Variants in NUP133 observed in about 807,000 individuals in gnomAD.
NUP133 encodes the protein nucleoporin 133.
NUP133 carries 66 observed loss-of-function variants against 146.2 expected under a neutral mutation model. The observed-to-expected ratio is 0.45, with a 90% CI of 0.37 to 0.55. NUP133 has a LOEUF of 0.55. Among genes scored for constraint, NUP133 ranks in the 20% least tolerant of loss-of-function variants. The probability of loss-of-function intolerance (pLI) is 0.00; values close to 1 mark genes in which losing one functional copy is unlikely to be tolerated. For missense variants in NUP133, 1,277 were observed against 1,374.8 expected (o/e 0.93, Z 1.12); for synonymous variants, 521 against 498.8 (o/e 1.04, Z -0.59).
At chr1:229,501,821 C>T (rs1019585071) in intron 3 of NUP133, among the ~76,000 whole-genome samples, 178 bp downstream of exon 3, 1 of 152,024 alleles carries the variant, frequency 6.6e-6, no homozygotes, top group Admixed American at 6.6e-5. Flanking sequence ...ACTTTTTTCC[C>T]AATACACAAA....
intron 11 of NUP133, among the ~76,000 whole-genome samples, chr1:229,485,648 T>C (rs1279858333): frequency 6.6e-6 from 1 of 152,156 alleles, no homozygotes; most frequent in African/African-American, 2.4e-5. Context: ...TCATTTTCTG[T>C]AGTAGAAAAT....
At position 229,458,231 on chromosome 1, in the gene NUP133, A is replaced by G; in HGVS notation, c.2910T>C (p.Leu970=). ...ATGCAGCCAATTTACTCAAGCCAAGAAGGGTTTTCTTCTTTGCAAAGTAAC... is the reference window on the plus strand; with the variant it reads ...ATGCAGCCAATTTACTCAAGCCAAGGAGGGTTTTCTTCTTTGCAAAGTAAC... ...ETRYFAKKKT[L]LGLSKLAALA... is the part of the protein sequence containing the mutation. Residue 970 remains leucine (L), a synonymous_variant, in exon 21 of 26, where the codon CTT becomes CTC. Coordinates refer to ENST00000261396, the MANE Select transcript of NUP133 (RefSeq NM_018230.3). 6.2e-7 allele frequency: 1 copy of G among 1,613,762 alleles called. No homozygotes were observed. The highest frequency in any genetic ancestry group is 8.5e-7 in the Non-Finnish European group (1 of 1,179,762).
intron 2 of NUP133, among the ~76,000 whole-genome samples, chr1:229,502,474 G>A (rs569980729): frequency 5.3e-4 from 76 of 142,434 alleles, no homozygotes; most frequent in African/African-American, 1.7e-3. Context: ...CAAGAGAATC[G>A]CTTGAACCTG....
At chr1:229,506,308 T>A in intron 1 of NUP133, 150 bp from the exon 2 acceptor site, 1 of 494,280 alleles carries the variant, frequency 2.0e-6, no homozygotes, top group East Asian at 3.2e-5. Context: ...ATATTTTTCA[T>A]GTAAAAAAAA....
intron 12 of NUP133, among the ~76,000 whole-genome samples, chr1:229,483,520 C>T (rs1256890640): frequency 1.3e-5 from 2 of 151,928 alleles, no homozygotes; most frequent in African/African-American, 2.4e-5. Flanking sequence ...GCCTGGCCAA[C>T]ATGGTGAAAC....
chr1:229,480,024 G>A (rs1218016812), intron 12 of NUP133, among the ~76,000 whole-genome samples: 1 of 152,226 alleles, frequency 6.6e-6, no homozygotes, highest in African/African-American at 2.4e-5. Context: ...AGAACTGAAA[G>A]GATGTAGTCT....
chr1:229,500,968 G>C, intron 3 of NUP133, 105 bp from the exon 4 acceptor site: 4 of 635,644 alleles, frequency 6.3e-6, no homozygotes, highest in Admixed American at 2.7e-5. Context: ...CTCACTGCTG[G>C]AAACACCATT....
chr1:229,502,059 A>G lies in NUP133; in HGVS notation c.345T>C (p.Ala115=). The change falls in exon 3 of 26, where the codon GCT becomes GCC. Residue 115 remains alanine, a synonymous_variant. Transcript: ENST00000261396. ...LTINIDEGGW[A]CLVCKEKLII... ...TGAGCTTCTCTTTGCACACCAGACAAGCCCATCCACCTTCATCTATGTTAA... is the reference window on the plus strand; with the variant it reads ...TGAGCTTCTCTTTGCACACCAGACAGGCCCATCCACCTTCATCTATGTTAA... 6.2e-7 allele frequency: 1 copy of G among 1,614,056 alleles called. No individual in the cohort carries two copies. The highest frequency in any genetic ancestry group is 8.5e-7 in the Non-Finnish European group (1 of 1,179,976).
At chr1:229,498,777 A>G (rs989198929) in intron 5 of NUP133, among the ~76,000 whole-genome samples, 1 of 150,900 alleles carries the variant, frequency 6.6e-6, no homozygotes, top group Non-Finnish European at 1.5e-5. Flanking sequence ...AAAAAAAAAA[A>G]CAACTTTTGT....
rs1661111179 is a variant in NUP133, at chr1:229,477,707, G to C, written c.1646C>G (p.Ser549Cys). 2 of 1,613,946 alleles carry C rather than the reference G, an allele frequency of 1.2e-6. No homozygotes were observed. Among genetic ancestry groups the C allele is most frequent in the Admixed American group, 1.7e-5 (1 of 59,992 alleles). The change falls in exon 13 of 26, where the codon TCT becomes TGT. Residue 549 changes from serine to cysteine, a missense_variant. Ser to Cys is a moderately radical substitution (Grantham distance 112). Around this residue, in one of 3 missense-constraint regions of NUP133, gnomAD observed 952 missense variants for 1,047.0 expected, o/e 0.91. Coordinates refer to ENST00000261396, the MANE Select transcript of NUP133 (RefSeq NM_018230.3). Reference sequence around the variant, plus strand: ...TAGTTCAGAATCAGAATCCAAATCAGAGTGAGAGGAAAAGAGCTCATCAAC... The same window carrying C: ...TAGTTCAGAATCAGAATCCAAATCACAGTGAGAGGAAAAGAGCTCATCAAC... ...MVVDELFSSHSDLDSDSELDR... is the reference protein window; with the variant it reads ...MVVDELFSSHCDLDSDSELDR...
At chr1:229,451,650 G>GT (rs1660452815) in intron 22 of NUP133, among the ~76,000 whole-genome samples, 1 of 151,856 alleles carries the variant, frequency 6.6e-6, no homozygotes, top group Admixed American at 6.6e-5. Flanking sequence ...TTTAAAAATT[G>GT]TATGTGTAAT....
intron 14 of NUP133, 67 bp downstream of exon 14, chr1:229,475,571 A>G (rs11800554): frequency 0.032 from 36,682 of 1,133,774 alleles, 4,068 homozygotes; most frequent in African/African-American, 0.32. Context: ...TAGAGAGAAG[A>G]GACTTCCCAC....
intron 12 of NUP133, among the ~76,000 whole-genome samples, chr1:229,480,852 A>ATT (rs5781543): frequency 0.023 from 2,831 of 125,796 alleles, 83 homozygotes; most frequent in African/African-American, 0.068. Context: ...ACACCCAGCT[A>ATT]TTTTTTTTTT....
chr1:229,480,953 C>CA (rs2102770229), intron 12 of NUP133, among the ~76,000 whole-genome samples: 1 of 151,788 alleles, frequency 6.6e-6, no homozygotes, highest in Non-Finnish European at 1.5e-5. Context: ...CCTTGGCCTC[C>CA]AAAGTACTGG....
chr1:229,504,181 A>G (rs1661877998), intron 2 of NUP133, among the ~76,000 whole-genome samples: 1 of 152,130 alleles, frequency 6.6e-6, no homozygotes, highest in South Asian at 2.1e-4. Flanking sequence ...CAGTAAATAG[A>G]GTTATTCACA....
rs1571899757 is a variant in NUP133 at position 229,441,966 on chromosome 1, T to C, written c.3409A>G (p.Asn1137Asp). 1 of 1,591,952 alleles carries C rather than the reference T, an allele frequency of 6.3e-7. No homozygotes were observed. The highest frequency in any genetic ancestry group is 8.5e-7 in the Non-Finnish European group (1 of 1,174,278). The change falls in exon 26 of 26, where the codon AAT (asparagine) becomes GAT (aspartate). Residue 1137 changes from asparagine to aspartate, a missense_variant. By Grantham distance (23) the Asn-to-Asp change is conservative (BLOSUM62 1). Around this residue, in one of 3 missense-constraint regions of NUP133, gnomAD observed 952 missense variants for 1,047.0 expected, o/e 0.91. Transcript: ENST00000261396. The stretch of plus-strand genomic sequence containing the variant: ...TTCAAAACAAACTCGAAGTAAGGAT[T>C]GGACTTTAAGCTTCCAAGCTGATCC... ...QADQLGSLKS[N>D]PYFEFVLKAN...
rs200915242 is a variant in NUP133 at position 229,444,910 on chromosome 1, T to C, written c.3334+4A>G. On this transcript the variant is annotated splice_donor_region_variant and intron_variant, in intron 25 of 25. Coordinates refer to ENST00000261396, the MANE Select transcript of NUP133 (RefSeq NM_018230.3). ...TTCCAACGGTATAGTAACAAACCACTTACCATCTTTTAAAAGTTTCTGTAA... is the reference window on the plus strand; with the variant it reads ...TTCCAACGGTATAGTAACAAACCACCTACCATCTTTTAAAAGTTTCTGTAA... 5.7e-6 allele frequency: 9 copies of C among 1,582,748 alleles called. No individual in the cohort carries two copies. The African/African-American group carries it at 1.1e-4, about 19-fold the overall frequency.
chr1:229,495,378 G>A (rs1228220331), intron 8 of NUP133, 117 bp downstream of exon 8: 1 of 708,046 alleles, frequency 1.4e-6, no homozygotes, highest in Non-Finnish European at 2.4e-6. Context: ...GTGATAGAGT[G>A]AGACCCTGTC....
rs539980607 is a variant in NUP133 at position 229,483,258 on chromosome 1, C to T, written c.1592+796G>A. On this transcript the variant is annotated intron_variant, in intron 12 of 25. Coordinates refer to ENST00000261396, the MANE Select transcript of NUP133 (RefSeq NM_018230.3). ...GACTAGAGGCGTGCATCACCATGCC[C>T]GGCTAATTATTTTTAAAATTTTTCT... is the stretch of plus-strand genomic sequence containing the variant. Among the ~76,000 whole-genome samples the T allele has an allele frequency of 2.0e-4, 30 of 151,994 alleles. No homozygotes were observed. The East Asian group carries it at 4.5e-3, about 23-fold the overall frequency.
Sources: gnomAD v4.1 joint callset for allele counts (sites outside exome capture counted in the v4.1 genomes callset) on GRCh38, gnomAD v4.1.1 for gene constraint, gnomAD v4.1.1 regional missense constraint, MANE v1.5 for transcripts, NCBI Gene and HGNC (gene_info 2026-07-23, HGNC 2026-07-21) for gene names.